SGMS1: variants seen among roughly 807,000 people sequenced by gnomAD.
SGMS1 encodes phosphatidylcholine:ceramide cholinephosphotransferase 1.
SGMS1 carries 13 observed loss-of-function variants against 46.2 expected under a neutral mutation model. The ratio of observed to expected loss-of-function variants is 0.28; its 90% CI spans 0.18 to 0.45. SGMS1 has a LOEUF of 0.45. SGMS1 is among the 20% of genes least tolerant of loss of function. SGMS1 has a pLI of 1.00. For synonymous variants in SGMS1, 203 were observed against 187.8 expected (o/e 1.08, Z -0.66); for missense variants, 324 against 519.9 (o/e 0.62, Z 3.66).
intron 6 of SGMS1, among the ~76,000 whole-genome samples, chr10:50,425,368 G>A (rs1216283019): frequency 2.0e-5 from 3 of 152,120 alleles, no homozygotes; most frequent in Non-Finnish European, 2.9e-5. Flanking sequence ...ATGGTAGATT[G>A]GATAAAGAAA....
Position 50,524,762 on chromosome 10 carries a change from A to G in SGMS1, c.-588-4841T>C, listed in dbSNP as rs556282548. On this transcript the variant is annotated intron_variant, in intron 2 of 10. Transcript: ENST00000361781. ...AGAGCTCATAGGCTTTTCATTACAA[A>G]CAGCATGAAACATAGTTAGTTGAAA... is the stretch of plus-strand genomic sequence containing the variant. Among the ~76,000 whole-genome samples, 97 of 152,286 alleles carry G rather than the reference A, an allele frequency of 6.4e-4. 2 individuals carry two copies. In the South Asian group the frequency reaches 0.02, roughly 32 times the overall value.
intron 8 of SGMS1, among the ~76,000 whole-genome samples, chr10:50,320,896 T>C (rs1450226567): frequency 6.6e-6 from 1 of 152,184 alleles, no homozygotes; most frequent in Non-Finnish European, 1.5e-5. Context: ...GCTCTGCAAA[T>C]CTACTACAGG....
chr10:50,609,487 C>A (rs1838727288), intron 1 of SGMS1, among the ~76,000 whole-genome samples: 1 of 150,300 alleles, frequency 6.7e-6, no homozygotes, highest in Non-Finnish European at 1.5e-5. Context: ...GGGTACCTGG[C>A]CCATAGTAGG....
intron 1 of SGMS1, among the ~76,000 whole-genome samples, chr10:50,591,288 T>A (rs933932295): frequency 5.3e-5 from 8 of 152,086 alleles, no homozygotes; most frequent in Admixed American, 3.3e-4. Context: ...AAACTCCTAT[T>A]TGTCTTCTGA....
intron 6 of SGMS1, among the ~76,000 whole-genome samples, chr10:50,406,027 A>G (rs1849009350): frequency 6.6e-6 from 1 of 152,068 alleles, no homozygotes; most frequent in South Asian, 2.1e-4. Flanking sequence ...ATATATATAT[A>G]CACACACACA....
chr10:50,612,926 C>A (rs1838764094), intron 1 of SGMS1, among the ~76,000 whole-genome samples: 1 of 152,218 alleles, frequency 6.6e-6, no homozygotes, highest in Non-Finnish European at 1.5e-5. Context: ...CCAGGCTGAT[C>A]TCGAATTCCT....
At chr10:50,508,120 A>G (rs1837723218) in intron 3 of SGMS1, among the ~76,000 whole-genome samples, 1 of 152,246 alleles carries the variant, frequency 6.6e-6, no homozygotes, top group Admixed American at 6.5e-5. Context: ...TGTGACAACA[A>G]TGCTCTATTT....
chr10:50,373,327 T>C (rs550984647), intron 6 of SGMS1, among the ~76,000 whole-genome samples: 1 of 152,210 alleles, frequency 6.6e-6, no homozygotes, highest in African/African-American at 2.4e-5. Context: ...CCCAAACAGG[T>C]CCTACGCACT....
At chr10:50,384,364 ACTTT>A (rs1329521623) in intron 6 of SGMS1, among the ~76,000 whole-genome samples, 5 of 151,382 alleles carry the variant, frequency 3.3e-5, no homozygotes, top group South Asian at 2.1e-4. Context: ...TTTCTAACTT[ACTTT>A]CTTTCTCTCT....
At chr10:50,569,682 A>G (rs1453848929) in intron 2 of SGMS1, among the ~76,000 whole-genome samples, 1 of 152,150 alleles carries the variant, frequency 6.6e-6, no homozygotes, top group Admixed American at 6.5e-5. Flanking sequence ...AATTTCCCCC[A>G]AACAAATAAT....
At chr10:50,587,419 G>C (rs1838494396) in intron 2 of SGMS1, among the ~76,000 whole-genome samples, 1 of 152,188 alleles carries the variant, frequency 6.6e-6, no homozygotes, top group Admixed American at 6.5e-5. Flanking sequence ...TGGATCACGA[G>C]GTCAGGAGTT....
At chr10:50,468,219 T>A (rs1416971974) in intron 3 of SGMS1, among the ~76,000 whole-genome samples, 1 of 152,186 alleles carries the variant, frequency 6.6e-6, no homozygotes, top group African/African-American at 2.4e-5. Flanking sequence ...CAATATGGTG[T>A]CTGATGTAAA....
chr10:50,307,070 T>G lies in SGMS1; in HGVS notation c.*72A>C. On this transcript the variant is annotated 3_prime_UTR_variant, in exon 11 of 11. Transcript: ENST00000361781. This position sits in a 1 kb window ranked among gnomAD's most constrained non-coding sequence, Gnocchi z 4.2. ...GATAATAGGATTAGGGAGGTGTTTATTTTATGGCATCTTCTCTCATGGAGT... is the reference window on the plus strand; with the variant it reads ...GATAATAGGATTAGGGAGGTGTTTAGTTTATGGCATCTTCTCTCATGGAGT... The G allele has an allele frequency of 6.8e-7, 1 of 1,463,444 alleles. No individual in the cohort carries two copies. The highest frequency in any genetic ancestry group is 2.3e-5 in the East Asian group (1 of 43,694). The allele number at this position is 1,463,444 out of a possible 1,614,324, so 90.7% of individuals were successfully genotyped here.
At chr10:50,423,876 T>C (rs750157970) in intron 6 of SGMS1, among the ~76,000 whole-genome samples, 24 of 152,260 alleles carry the variant, frequency 1.6e-4, no homozygotes, top group Admixed American at 1.2e-3. Flanking sequence ...AAATTCCATT[T>C]AGAACAAGAA....
intron 2 of SGMS1, among the ~76,000 whole-genome samples, chr10:50,579,021 C>T (rs1320653328): frequency 6.6e-6 from 1 of 151,754 alleles, no homozygotes; most frequent in Non-Finnish European, 1.5e-5. Context: ...AAAAAAGCAA[C>T]TTGAAGGAAA....
chr10:50,622,738 T>C (rs1838865614), intron 1 of SGMS1, among the ~76,000 whole-genome samples: 2 of 152,184 alleles, frequency 1.3e-5, no homozygotes, highest in Non-Finnish European at 2.9e-5. Context: ...TGACAACCCT[T>C]ATCCCGATTT....
At position 50,309,202 on chromosome 10, in the gene SGMS1, C is replaced by G. The variant is rs563841384; in HGVS notation, c.896-1054G>C. Among the ~76,000 whole-genome samples, 28 of 152,050 alleles carry G rather than the reference C, an allele frequency of 1.8e-4. 1 individual carries two copies. In the South Asian group the frequency reaches 5.8e-3, roughly 32 times the overall value. On this transcript the variant is annotated intron_variant, in intron 9 of 10. Coordinates refer to ENST00000361781, the MANE Select transcript of SGMS1 (RefSeq NM_147156.4). The stretch of plus-strand genomic sequence containing the variant: ...GGGCAGTTTGCAATTTTAAATGGAG[C>G]AGTTAGGGTAGGAATATTCTAGTAA...
rs932778019 is a variant in SGMS1 at position 50,352,864 on chromosome 10, T to C, written c.-231-8519A>G. 1.4e-4 allele frequency among the ~76,000 whole-genome samples: 22 copies of C among 152,302 alleles called. 1 individual carries two copies. Among genetic ancestry groups the C allele is most frequent in the African/African-American group, 4.8e-4 (20 of 41,566 alleles). ...AGAAATGAATAAATTCCCCGACACA[T>C]ACACTCTCCCAAGACTAAACCAGGA... On this transcript the variant is annotated intron_variant, in intron 6 of 10. Coordinates refer to ENST00000361781, the MANE Select transcript of SGMS1 (RefSeq NM_147156.4).
intron 3 of SGMS1, among the ~76,000 whole-genome samples, chr10:50,512,972 G>C (rs548767292): frequency 6.6e-6 from 1 of 152,230 alleles, no homozygotes; most frequent in South Asian, 2.1e-4. Context: ...CAGATAGAGG[G>C]CTGAAATACA....
Sources: allele counts gnomAD v4.1 joint callset (sites outside exome capture counted in the v4.1 genomes callset), GRCh38; gene constraint gnomAD v4.1.1; non-coding constraint Gnocchi (gnomAD v3.1); transcripts MANE v1.5; gene names NCBI Gene and HGNC (gene_info 2026-07-23, HGNC 2026-07-21).